Variants in PRKCB observed in about 807,000 individuals in gnomAD.
The protein encoded by PRKCB is protein kinase C beta.
A neutral mutation model predicts 81.5 loss-of-function variants in PRKCB; 13 were observed. That is an observed-to-expected ratio of 0.16 (90% confidence interval 0.10 to 0.25). The LOEUF (loss-of-function observed/expected upper bound fraction) is 0.25. Among genes scored for constraint, PRKCB ranks in the 10% least tolerant of loss-of-function variants. The probability of loss-of-function intolerance (pLI) is 1.00; values close to 1 mark genes in which losing one functional copy is unlikely to be tolerated. For missense variants in PRKCB, 509 were observed against 875.7 expected (o/e 0.58, Z 5.29); for synonymous variants, 335 against 321.4 (o/e 1.04, Z -0.45).
Position 24,218,877 on chromosome 16 carries a change from G to C in PRKCB, c.*4061G>C, listed in dbSNP as rs772933373. On this transcript the variant is annotated 3_prime_UTR_variant, in exon 17 of 17. Coordinates refer to ENST00000643927, the MANE Select transcript of PRKCB (RefSeq NM_002738.7). ...ATGGGGTTGTCCCTCCAGTCCGAGA[G>C]ACTGTGATGAGGCCTACATAGCAGC... is the stretch of plus-strand genomic sequence containing the variant. 18 of 985,434 alleles carry C rather than the reference G, an allele frequency of 1.8e-5. No homozygotes were observed. The highest frequency in any genetic ancestry group is 2.2e-5 in the Non-Finnish European group (18 of 829,950). 61.0% of individuals were successfully genotyped at this position (985,434 alleles called of 1,614,324 possible). A position where few individuals can be genotyped will look rare whatever the true frequency, so the allele number is the denominator to read the frequency against.
At chr16:24,029,731 CA>C (rs1965527293) in intron 3 of PRKCB, among the ~76,000 whole-genome samples, 1 of 152,120 alleles carries the variant, frequency 6.6e-6, no homozygotes, top group Non-Finnish European at 1.5e-5. Flanking sequence ...CATTTTCTGT[CA>C]CTAGAGTACA....
At position 24,134,917 on chromosome 16, in the gene PRKCB, A is replaced by G. The variant is rs551868803; in HGVS notation, c.1065+10936A>G. 4.6e-5 allele frequency among the ~76,000 whole-genome samples: 7 copies of G among 152,178 alleles called. No homozygotes were observed. In the South Asian group the frequency reaches 1.5e-3, roughly 32 times the overall value. ...CAGAGGGACACCCTGTCTCTTATAT[A>G]TTTAGAAAGCTGCATAATGACATTT... On this transcript the variant is annotated intron_variant, in intron 9 of 16. Coordinates refer to ENST00000643927, the MANE Select transcript of PRKCB (RefSeq NM_002738.7).
chr16:23,936,617 G>A (rs1471466845), intron 2 of PRKCB, among the ~76,000 whole-genome samples: 4 of 128,418 alleles, frequency 3.1e-5, no homozygotes, highest in African/African-American at 5.9e-5. Flanking sequence ...ATTTTTGGTA[G>A]AGACAGAGTT....
chr16:23,956,120 CT>C (rs1239218024), intron 2 of PRKCB, among the ~76,000 whole-genome samples: 5 of 152,048 alleles, frequency 3.3e-5, no homozygotes, highest in African/African-American at 9.6e-5. Flanking sequence ...ATCCTATATA[CT>C]TTTTTTATAA....
intron 5 of PRKCB, among the ~76,000 whole-genome samples, chr16:24,091,057 T>C (rs1476287823): frequency 6.6e-6 from 1 of 152,196 alleles, no homozygotes; most frequent in Non-Finnish European, 1.5e-5. Flanking sequence ...GGTAACTCTT[T>C]ATTTCTTACT....
chr16:23,923,654 G>A (rs1423525540), intron 2 of PRKCB, among the ~76,000 whole-genome samples: 1 of 152,080 alleles, frequency 6.6e-6, no homozygotes, highest in Non-Finnish European at 1.5e-5. Context: ...ATTGGTGACT[G>A]TCCAATCTTC....
intron 9 of PRKCB, among the ~76,000 whole-genome samples, chr16:24,129,707 G>T (rs187386480): frequency 2.9e-4 from 37 of 128,572 alleles, no homozygotes; most frequent in Non-Finnish European, 5.5e-4. Context: ...ATCTGTCTAC[G>T]TATCATCAAT....
intron 7 of PRKCB, among the ~76,000 whole-genome samples, chr16:24,104,458 T>G (rs1284803551): frequency 6.6e-6 from 1 of 152,060 alleles, no homozygotes; most frequent in Non-Finnish European, 1.5e-5. Context: ...TCTTTTTAGT[T>G]GAAGAAAAAT....
intron 10 of PRKCB, among the ~76,000 whole-genome samples, chr16:24,162,205 A>C (rs1967267495): frequency 6.6e-6 from 1 of 152,082 alleles, no homozygotes; most frequent in Non-Finnish European, 1.5e-5. Flanking sequence ...TCCCACATGT[A>C]GAGTGGACCC....
intron 12 of PRKCB, 150 bp from the exon 13 acceptor site, chr16:24,180,640 T>C: frequency 1.1e-6 from 1 of 870,534 alleles, no homozygotes; most frequent in Non-Finnish European, 1.8e-6. Flanking sequence ...CCTGCCAGAC[T>C]GTAAGCTGTT....
intron 3 of PRKCB, among the ~76,000 whole-genome samples, chr16:24,021,091 TTTTC>T (rs1439131100): frequency 1.6e-4 from 9 of 58,062 alleles, no homozygotes; most frequent in East Asian, 4.5e-4. Flanking sequence ...TTCTTTCTTT[TTTTC>T]TTTCTTTCTT....
rs1320888473 is a variant in PRKCB, at chr16:23,938,608, A to C, written c.206-49900A>C. 7.9e-5 allele frequency among the ~76,000 whole-genome samples: 12 copies of C among 152,346 alleles called. No homozygotes were observed. In the East Asian group the frequency reaches 2.3e-3, roughly 29 times the overall value. On this transcript the variant is annotated intron_variant, in intron 2 of 16. Transcript: ENST00000643927. ...CCTAGCATATAAATGAAGACTGGGA[A>C]GTAGATAACATAGGAGCAAGGATAT...
At chr16:23,920,629 C>T (rs191963241) in intron 2 of PRKCB, among the ~76,000 whole-genome samples, 20 of 152,184 alleles carry the variant, frequency 1.3e-4, no homozygotes, top group African/African-American at 4.3e-4. Context: ...TCCTGTCAGG[C>T]GGTGTGTGGG....
intron 14 of PRKCB, 38 bp from the exon 15 acceptor site, chr16:24,185,422 C>T: frequency 1.3e-6 from 2 of 1,571,492 alleles, no homozygotes; most frequent in African/African-American, 1.3e-5. Flanking sequence ...AGGGTTCAAG[C>T]AGGGATTCTT....
At chr16:24,096,666 A>AAAAAAAAAAAAAAATAT (rs1406204037) in intron 7 of PRKCB, among the ~76,000 whole-genome samples, 1 of 32,710 alleles carries the variant, frequency 3.1e-5, no homozygotes, top group African/African-American at 9.7e-5. Context: ...AAAAAAAAAA[A>AAAAAAAAAAAAAAATAT]ATATATATAT....
chr16:23,896,836 A>G (rs1963385676), intron 2 of PRKCB, among the ~76,000 whole-genome samples: 1 of 152,182 alleles, frequency 6.6e-6, no homozygotes, highest in Non-Finnish European at 1.5e-5. Flanking sequence ...AAGGATTGGA[A>G]AATGCCTCTG....
chr16:23,842,811 GTTTAT>G (rs1962289812), intron 2 of PRKCB, among the ~76,000 whole-genome samples: 2 of 151,882 alleles, frequency 1.3e-5, no homozygotes, highest in Admixed American at 1.3e-4. Context: ...TCAAATCAAA[GTTTAT>G]TTTAGTGTGT....
chr16:23,895,107 A>G (rs1420219988), intron 2 of PRKCB, among the ~76,000 whole-genome samples: 1 of 152,140 alleles, frequency 6.6e-6, no homozygotes, highest in Non-Finnish European at 1.5e-5. Flanking sequence ...GTATTTCATG[A>G]TCATTTTTGG....
At chr16:24,053,875 C>T (rs1443123304) in intron 5 of PRKCB, among the ~76,000 whole-genome samples, 2 of 152,132 alleles carry the variant, frequency 1.3e-5, no homozygotes, top group Non-Finnish European at 2.9e-5. Context: ...GAGGCAGCTG[C>T]TGAGGGCTAT....
Sources: gnomAD v4.1 joint callset for allele counts (sites outside exome capture counted in the v4.1 genomes callset) on GRCh38, gnomAD v4.1.1 for gene constraint, MANE v1.5 for transcripts, NCBI Gene and HGNC (gene_info 2026-07-23, HGNC 2026-07-21) for gene names.